Variants in ZPLD1 observed in about 807,000 individuals in gnomAD.
ZPLD1 encodes the protein zona pellucida like domain containing 1.
Under a neutral mutation model 47.2 loss-of-function variants are expected in ZPLD1, and 34 were observed. The observed-to-expected ratio is 0.72, with a 90% CI of 0.55 to 0.96. ZPLD1 has a LOEUF of 0.96. Among genes scored for constraint, ZPLD1 ranks in the 40% least tolerant of loss-of-function variants. The pLI is 0.00. For synonymous variants in ZPLD1, 176 were observed against 186.2 expected, an observed-to-expected ratio of 0.95 and a Z score of 0.45; for missense variants, 512 against 505.8, an observed-to-expected ratio of 1.01 and a Z score of -0.12.
chr3:102,441,883 A>G (rs555661009), intron 3 of ZPLD1, among the ~76,000 whole-genome samples: 1 of 152,284 alleles, frequency 6.6e-6, no homozygotes, highest in African/African-American at 2.4e-5. Flanking sequence ...ATCCAGAGGA[A>G]AAAGTAACTT....
At chr3:102,437,064 G>T (rs11714669) in intron 2 of ZPLD1, 91 bp downstream of exon 2, 181,870 of 523,104 alleles carry the variant, frequency 0.35, 32,399 homozygotes, top group Middle Eastern at 0.41. Context: ...TCTTATTCTA[G>T]TTGAAGTATC....
At chr3:102,461,145 C>T (rs1407786469) in intron 6 of ZPLD1, among the ~76,000 whole-genome samples, 1 of 151,968 alleles carries the variant, frequency 6.6e-6, no homozygotes, top group African/African-American at 2.4e-5. Context: ...ATTTTGCTTT[C>T]TTCCAAGCCT....
chr3:102,452,557 C>T (rs1341011179), intron 3 of ZPLD1, among the ~76,000 whole-genome samples: 3 of 152,054 alleles, frequency 2.0e-5, no homozygotes, highest in Admixed American at 6.6e-5. Context: ...GACAGGTGAT[C>T]TGAATAATCC....
chr3:102,417,269 A>AAG (rs1706820175), intron 7 of ZPLD1, among the ~76,000 whole-genome samples: 1 of 152,024 alleles, frequency 6.6e-6, no homozygotes, highest in Non-Finnish European at 1.5e-5. Flanking sequence ...TCAATCTTCC[A>AAG]CACAGTTATC....
intron 9 of ZPLD1, among the ~76,000 whole-genome samples, chr3:102,469,802 G>A (rs1051333743): frequency 4.6e-5 from 7 of 152,140 alleles, no homozygotes; most frequent in Non-Finnish European, 1.0e-4. Context: ...ATTGCATACA[G>A]CCACCATTAA....
At chr3:102,445,955 A>G (rs955888433) in intron 3 of ZPLD1, among the ~76,000 whole-genome samples, 55 of 152,336 alleles carry the variant, frequency 3.6e-4, no homozygotes, top group South Asian at 1.5e-3. Flanking sequence ...GAAGGTAGAC[A>G]TTAAGGATTT....
chr3:102,470,939 T>A (rs960996668), intron 10 of ZPLD1, among the ~76,000 whole-genome samples: 1 of 151,896 alleles, frequency 6.6e-6, no homozygotes, highest in Non-Finnish European at 1.5e-5. Flanking sequence ...CCACCATACC[T>A]GGCTAATTTT....
chr3:102,429,683 T>C (rs1274418871), intron 8 of ZPLD1, among the ~76,000 whole-genome samples: 1 of 152,220 alleles, frequency 6.6e-6, no homozygotes, highest in East Asian at 1.9e-4. Context: ...CCCTTATTCT[T>C]GAGATGTGTG....
intron 7 of ZPLD1, among the ~76,000 whole-genome samples, chr3:102,406,510 C>T (rs575034514): frequency 3.3e-5 from 5 of 151,998 alleles, no homozygotes; most frequent in African/African-American, 1.2e-4. Context: ...ACACCCTTAT[C>T]CTCAGTACCA....
At chr3:102,398,379 C>G (rs1706580467) in intron 7 of ZPLD1, among the ~76,000 whole-genome samples, 1 of 152,114 alleles carries the variant, frequency 6.6e-6, no homozygotes, top group Non-Finnish European at 1.5e-5. Context: ...CCAGCCCAGT[C>G]TCATTTCTAC....
Position 102,462,397 on chromosome 3 carries a change from C to CT in ZPLD1, c.680+25dup, listed in dbSNP as rs1178986075. ...ATGGCAGGTAATTTCAAACTCTTGT[C>CT]TTTTTTAGGTTAAAACTCTTTGACT... is the stretch of plus-strand genomic sequence containing the variant. On this transcript the variant is annotated intron_variant, in intron 7 of 11. Transcript: ENST00000466937. The CT allele has an allele frequency of 1.3e-6, 2 of 1,556,298 alleles. No homozygotes were observed. The highest frequency in any genetic ancestry group is 1.1e-5 in the South Asian group (1 of 87,300).
At chr3:102,436,256 C>T (rs1257467270) in intron 1 of ZPLD1, among the ~76,000 whole-genome samples, 1 of 152,036 alleles carries the variant, frequency 6.6e-6, no homozygotes, top group Non-Finnish European at 1.5e-5. Context: ...TATTTTTGGC[C>T]AACACAAATG....
chr3:102,386,080 C>G (rs1706421444), intron 6 of ZPLD1, among the ~76,000 whole-genome samples: 2 of 152,110 alleles, frequency 1.3e-5, no homozygotes, highest in Non-Finnish European at 2.9e-5. Context: ...CTCATTTTCT[C>G]CACTCCTTGA....
chr3:102,429,809 C>T (rs1047673089), intron 8 of ZPLD1, among the ~76,000 whole-genome samples: 1 of 152,010 alleles, frequency 6.6e-6, no homozygotes, highest in African/African-American at 2.4e-5. Context: ...TGGATAAATA[C>T]ATAGATAAAA....
At chr3:102,435,326 C>A (rs1363111634) in intron 1 of ZPLD1, among the ~76,000 whole-genome samples, 172 bp downstream of exon 1, 1 of 152,166 alleles carries the variant, frequency 6.6e-6, no homozygotes, top group African/African-American at 2.4e-5. Context: ...AAATTCCTTG[C>A]CTAATGTGCC....
intron 10 of ZPLD1, among the ~76,000 whole-genome samples, chr3:102,476,358 A>G (rs1247343768): frequency 6.6e-6 from 1 of 152,204 alleles, no homozygotes; most frequent in Non-Finnish European, 1.5e-5. Context: ...TGGGAAATCA[A>G]GTAATATGTT....
At chr3:102,428,207 T>C (rs539210699) in intron 8 of ZPLD1, among the ~76,000 whole-genome samples, 1 of 152,288 alleles carries the variant, frequency 6.6e-6, no homozygotes, top group East Asian at 1.9e-4. Context: ...TCAAACTGAC[T>C]TTCTTCCATT....
chr3:102,477,160 G>A (rs1227788331), intron 11 of ZPLD1, 119 bp downstream of exon 11: 3 of 1,117,042 alleles, frequency 2.7e-6, no homozygotes. Flanking sequence ...TTAGATAACA[G>A]TTCACTGAGG....
chr3:102,419,219 T>C (rs1358855545), intron 8 of ZPLD1, among the ~76,000 whole-genome samples: 1 of 151,962 alleles, frequency 6.6e-6, no homozygotes, highest in Non-Finnish European at 1.5e-5. Context: ...ATTGAAAATC[T>C]CTATTATTTC....
Sources: allele counts gnomAD v4.1 joint callset (sites outside exome capture counted in the v4.1 genomes callset), GRCh38; gene constraint gnomAD v4.1.1; transcripts MANE v1.5; gene names NCBI Gene and HGNC (gene_info 2026-07-23, HGNC 2026-07-21).